Variants in BANK1 observed in about 807,000 individuals in gnomAD.
The protein encoded by BANK1 is B-cell scaffold protein with ankyrin repeats.
In BANK1, 95 loss-of-function variants were observed where a neutral mutation model predicts 94.5. That is an observed-to-expected ratio of 1.00 (90% CI 0.85 to 1.19). The LOEUF is 1.19. Ranked by LOEUF, BANK1 falls within the 50% of genes most tolerant of loss-of-function variation. The pLI is 0.00. For missense variants in BANK1, 987 were observed against 932.2 expected (o/e 1.06, Z -0.77); for synonymous variants, 334 against 308.4 (o/e 1.08, Z -0.87).
chr4:101,977,391 G>A (rs1000392177), intron 7 of BANK1, among the ~76,000 whole-genome samples: 4 of 152,148 alleles, frequency 2.6e-5, no homozygotes, highest in African/African-American at 9.7e-5. Context: ...CAAAAGAGGA[G>A]CATCAAAATA....
At chr4:101,868,955 A>T (rs571576086) in intron 4 of BANK1, among the ~76,000 whole-genome samples, 38 of 152,040 alleles carry the variant, frequency 2.5e-4, no homozygotes, top group African/African-American at 8.7e-4. Flanking sequence ...ATTACTCTAA[A>T]ATCGACATCA....
intron 1 of BANK1, among the ~76,000 whole-genome samples, chr4:101,807,798 G>T (rs573579597): frequency 3.3e-5 from 5 of 152,032 alleles, no homozygotes; most frequent in Non-Finnish European, 7.4e-5. Flanking sequence ...TTAAAATTCA[G>T]GGCCGGGCGT....
At chr4:101,976,460 A>C (rs1725131688) in intron 7 of BANK1, among the ~76,000 whole-genome samples, 1 of 152,180 alleles carries the variant, frequency 6.6e-6, no homozygotes, top group Admixed American at 6.6e-5. Flanking sequence ...TATTTAATTC[A>C]GAGAGTACAT....
rs188127719 is a variant in BANK1 at position 101,830,353 on chromosome 4, A to G, written c.469+147A>G. 4.4e-4 allele frequency: 267 copies of G among 602,424 alleles called. 1 individual carries two copies. Among genetic ancestry groups the G allele is most frequent in the African/African-American group, 4.1e-3 (214 of 51,966 alleles). The allele number at this position is 602,424 out of a possible 1,614,324, so 37.3% of individuals were successfully genotyped here. ...CTGATTTTATTCAACAGTATGTTGT[A>G]CTGTCCACAAAATACATTAAGTTTC... On this transcript the variant is annotated intron_variant, in intron 2 of 16. Transcript: ENST00000322953.
chr4:101,797,816 TTTTAGG>T (rs1725210530), intron 1 of BANK1, among the ~76,000 whole-genome samples: 1 of 152,176 alleles, frequency 6.6e-6, no homozygotes, highest in African/African-American at 2.4e-5. Context: ...AGCAGTTCGA[TTTTAGG>T]ATCTGGATAT....
At chr4:101,811,125 C>T (rs986219657) in intron 1 of BANK1, among the ~76,000 whole-genome samples, 9 of 152,246 alleles carry the variant, frequency 5.9e-5, no homozygotes, top group South Asian at 2.1e-4. Flanking sequence ...TTTTGTGAAA[C>T]TTCTATGAGT....
chr4:101,948,681 A>G (rs1390732059), intron 7 of BANK1, among the ~76,000 whole-genome samples: 1 of 152,116 alleles, frequency 6.6e-6, no homozygotes, highest in Non-Finnish European at 1.5e-5. Flanking sequence ...CTTAGATCCA[A>G]ATATTTTTCC....
intron 7 of BANK1, among the ~76,000 whole-genome samples, chr4:101,918,624 T>C (rs1194910448): frequency 6.6e-6 from 1 of 151,992 alleles, no homozygotes; most frequent in African/African-American, 2.4e-5. Flanking sequence ...CAATTGTTTT[T>C]CTGGTTGTAA....
At chr4:102,054,977 A>C (rs2148961193) in intron 11 of BANK1, among the ~76,000 whole-genome samples, 1 of 152,230 alleles carries the variant, frequency 6.6e-6, no homozygotes, top group South Asian at 2.1e-4. Flanking sequence ...TTGATGTGCC[A>C]GAGTGGTATA....
intron 7 of BANK1, among the ~76,000 whole-genome samples, chr4:102,020,850 C>G (rs1263026445): frequency 6.6e-6 from 1 of 152,102 alleles, no homozygotes; most frequent in Non-Finnish European, 1.5e-5. Context: ...CAAATAGAAC[C>G]ATCACTAGTA....
chr4:101,975,770 G>A (rs1725103134), intron 7 of BANK1, among the ~76,000 whole-genome samples: 1 of 151,998 alleles, frequency 6.6e-6, no homozygotes, highest in South Asian at 2.1e-4. Context: ...TTTATCCTTA[G>A]TAATGAGCAC....
chr4:101,914,497 T>A (rs1330762509), intron 6 of BANK1, among the ~76,000 whole-genome samples: 1 of 152,154 alleles, frequency 6.6e-6, no homozygotes, highest in East Asian at 1.9e-4. Context: ...GCCTCTAGAT[T>A]GCTTTAAAAT....
intron 7 of BANK1, among the ~76,000 whole-genome samples, chr4:101,929,384 A>G (rs1359971638): frequency 1.3e-5 from 2 of 151,616 alleles, no homozygotes; most frequent in African/African-American, 2.4e-5. Context: ...TTTTAATATT[A>G]TCATCACCAT....
chr4:101,977,820 A>AT (rs1440353699), intron 7 of BANK1, among the ~76,000 whole-genome samples: 1 of 152,184 alleles, frequency 6.6e-6, no homozygotes, highest in African/African-American at 2.4e-5. Flanking sequence ...AAGAATTGCT[A>AT]TTTTAAAAAT....
chr4:101,998,900 C>T (rs2148935541), intron 7 of BANK1, among the ~76,000 whole-genome samples: 1 of 152,244 alleles, frequency 6.6e-6, no homozygotes, highest in East Asian at 1.9e-4. Flanking sequence ...GGTCCCATGT[C>T]CTACTGCCTC....
chr4:101,865,465 T>TG (rs1728033345), intron 4 of BANK1, among the ~76,000 whole-genome samples: 1 of 152,032 alleles, frequency 6.6e-6, no homozygotes, highest in East Asian at 1.9e-4. Flanking sequence ...GAACCTCTGG[T>TG]GGGGTCAGAG....
At chr4:101,831,838 A>G (rs1726633821) in intron 2 of BANK1, among the ~76,000 whole-genome samples, 1 of 152,224 alleles carries the variant, frequency 6.6e-6, no homozygotes, top group Non-Finnish European at 1.5e-5. Context: ...TGGTTATATC[A>G]GTTTCTATGA....
chr4:101,987,573 TC>T (rs1725558433), intron 7 of BANK1, among the ~76,000 whole-genome samples: 1 of 152,196 alleles, frequency 6.6e-6, no homozygotes, highest in African/African-American at 2.4e-5. Context: ...GAATTGTTCT[TC>T]CTCAACAACC....
At chr4:102,023,459 A>G (rs926416307) in intron 8 of BANK1, among the ~76,000 whole-genome samples, 7 of 152,194 alleles carry the variant, frequency 4.6e-5, no homozygotes, top group African/African-American at 1.7e-4. Flanking sequence ...ATAAAACATT[A>G]TTTCAATTCT....
Sources: allele counts gnomAD v4.1 joint callset (sites outside exome capture counted in the v4.1 genomes callset), GRCh38; gene constraint gnomAD v4.1.1; transcripts MANE v1.5; gene names NCBI Gene and HGNC (gene_info 2026-07-23, HGNC 2026-07-21).